LITAF: variants seen among roughly 807,000 people sequenced by gnomAD.
The protein encoded by LITAF is lipopolysaccharide induced TNF factor, also known as lipopolysaccharide-induced tumor necrosis factor-alpha factor.
In LITAF, 9 loss-of-function variants were observed where a neutral mutation model predicts 14.5. That is an observed-to-expected ratio of 0.62 (90% CI 0.37 to 1.08). The LOEUF is 1.08. Ranked by LOEUF, LITAF falls within the 50% of genes least tolerant of loss-of-function variation. The pLI, the probability that LITAF is intolerant of heterozygous loss-of-function variation, is 0.01. For synonymous variants in LITAF, 98 were observed against 88.2 expected (o/e 1.11, Z -0.62); for missense variants, 206 against 213.4 (o/e 0.97, Z 0.22).
At chr16:11,578,503 C>A (rs1386127290) in intron 1 of LITAF, among the ~76,000 whole-genome samples, 1 of 152,160 alleles carries the variant, frequency 6.6e-6, no homozygotes, top group African/African-American at 2.4e-5. Context: ...TGCACTGTAG[C>A]CTGGGCAACA....
chr16:11,578,789 G>GA (rs1230813540), intron 1 of LITAF, among the ~76,000 whole-genome samples: 1 of 152,172 alleles, frequency 6.6e-6, no homozygotes, highest in East Asian at 1.9e-4. Flanking sequence ...TGATTTGAGG[G>GA]AAATTCTACA....
chr16:11,569,259 G>A (rs945097392), intron 1 of LITAF, among the ~76,000 whole-genome samples: 1 of 152,066 alleles, frequency 6.6e-6, no homozygotes, highest in African/African-American at 2.4e-5. Flanking sequence ...TTCTGTTTTT[G>A]AGAAGGAATC....
intron 3 of LITAF, among the ~76,000 whole-genome samples, chr16:11,627,882 T>A (rs1372497341): frequency 2.0e-5 from 3 of 151,866 alleles, no homozygotes; most frequent in African/African-American, 7.3e-5. Flanking sequence ...CCGGGCGTGG[T>A]ACCACACATC....
chr16:11,601,311 G>C (rs898644917), upstream of LITAF, among the ~76,000 whole-genome samples: 2 of 151,094 alleles, frequency 1.3e-5, no homozygotes, highest in African/African-American at 4.9e-5. Flanking sequence ...CATTCCACTG[G>C]CCTCCCTCCT....
upstream of LITAF, among the ~76,000 whole-genome samples, chr16:11,637,048 G>C (rs925980430): frequency 1.3e-5 from 2 of 152,038 alleles, no homozygotes; most frequent in African/African-American, 4.8e-5. Context: ...GTAAAAGTGA[G>C]CCCAGCTAAT....
chr16:11,579,819 G>C (rs1420398489), intron 1 of LITAF, among the ~76,000 whole-genome samples: 1 of 152,216 alleles, frequency 6.6e-6, no homozygotes, highest in African/African-American at 2.4e-5. Flanking sequence ...ACTTATAAAT[G>C]AGTCAGATAG....
chr16:11,568,685 T>TTG (rs1555468733), intron 1 of LITAF, among the ~76,000 whole-genome samples: 3 of 144,550 alleles, frequency 2.1e-5, no homozygotes, highest in South Asian at 4.3e-4. Flanking sequence ...TTTTTTTTGT[T>TTG]TTTTTTTTTT....
At chr16:11,602,151 C>T (rs1310675405), upstream of LITAF, among the ~76,000 whole-genome samples, 2 of 152,114 alleles carry the variant, frequency 1.3e-5, no homozygotes, top group Non-Finnish European at 2.9e-5. Flanking sequence ...TGCCTGAGCT[C>T]AGGAGTTCGA....
chr16:11,581,011 T>C (rs1341866673), intron 1 of LITAF, among the ~76,000 whole-genome samples: 1 of 152,046 alleles, frequency 6.6e-6, no homozygotes, highest in Non-Finnish European at 1.5e-5. Context: ...GCGATCCTCC[T>C]GCCTTGTCCT....
At chr16:11,606,152 C>A (rs564096562) in intron 3 of LITAF, among the ~76,000 whole-genome samples, 197 of 152,182 alleles carry the variant, frequency 1.3e-3, no homozygotes, top group African/African-American at 4.5e-3. Context: ...CCCTCTGCCC[C>A]TGGATTTTTT....
rs1225653313 is a variant in LITAF, at chr16:11,634,373, G to A, written c.-20-736C>T. ...TGATTCCCTTCCCCAAAACTCAACC[G>A]CCTTTGTGAAGGTAACAAAAGGCCA... is the stretch of plus-strand genomic sequence containing the variant. On this transcript the variant is annotated intron_variant, in intron 2 of 3. Coordinates refer to the LITAF transcript ENST00000574848. This position sits in a 1 kb window ranked among gnomAD's most constrained non-coding sequence, Gnocchi z 4.1. Among the ~76,000 whole-genome samples, 1 of 152,128 alleles carries A rather than the reference G, an allele frequency of 6.6e-6. No individual in the cohort carries two copies. The highest frequency in any genetic ancestry group is 1.5e-5 in the Non-Finnish European group (1 of 68,018).
At chr16:11,619,592 A>T (rs1295736978) in intron 3 of LITAF, among the ~76,000 whole-genome samples, 2 of 151,514 alleles carry the variant, frequency 1.3e-5, no homozygotes, top group African/African-American at 4.8e-5. Context: ...TTTTGGAGAC[A>T]GTCTCAGTCT....
At chr16:11,591,489 C>T (rs996616206), upstream of LITAF, among the ~76,000 whole-genome samples, 3 of 151,846 alleles carry the variant, frequency 2.0e-5, no homozygotes, top group Non-Finnish European at 2.9e-5. Context: ...CTGGCCCACA[C>T]GTTCTGATTT....
intron 3 of LITAF, among the ~76,000 whole-genome samples, chr16:11,627,892 C>G (rs1221916833): frequency 6.6e-6 from 1 of 151,492 alleles, no homozygotes; most frequent in Non-Finnish European, 1.5e-5. Flanking sequence ...TACCACACAT[C>G]TGTAGTCCCA....
chr16:11,621,375 TTA>T (rs1335828774), intron 3 of LITAF, among the ~76,000 whole-genome samples: 3 of 152,128 alleles, frequency 2.0e-5, no homozygotes, highest in Admixed American at 6.5e-5. Context: ...CAGCCAATTT[TTA>T]TATGTTTTGC....
At chr16:11,563,062 G>C (rs905889493) in intron 1 of LITAF, among the ~76,000 whole-genome samples, 7 of 151,926 alleles carry the variant, frequency 4.6e-5, no homozygotes, top group African/African-American at 1.7e-4. Context: ...CTGGGAGCTT[G>C]AGGTTACAGT....
chr16:11,608,261 A>AAGGATAAAGGAT (rs2064964738), intron 3 of LITAF, among the ~76,000 whole-genome samples: 1 of 152,230 alleles, frequency 6.6e-6, no homozygotes, highest in Non-Finnish European at 1.5e-5. Flanking sequence ...AGAGTGCAGA[A>AAGGATAAAGGAT]AGACTGCCTG....
At chr16:11,594,350 G>C (rs33997367) in intron 1 of LITAF, among the ~76,000 whole-genome samples, 4,913 of 152,008 alleles carry the variant, frequency 0.032, 119 homozygotes, top group Non-Finnish European at 0.048. Flanking sequence ...GGCATAGCAA[G>C]AGGAGGCCAG....
At chr16:11,580,008 C>A (rs1216063401) in intron 1 of LITAF, among the ~76,000 whole-genome samples, 1 of 152,154 alleles carries the variant, frequency 6.6e-6, no homozygotes, top group African/African-American at 2.4e-5. Flanking sequence ...GGTTGATTAT[C>A]CCAAATGTGA....
Sources: allele counts gnomAD v4.1 joint callset (sites outside exome capture counted in the v4.1 genomes callset), GRCh38; gene constraint gnomAD v4.1.1; non-coding constraint Gnocchi (gnomAD v3.1); transcripts MANE v1.5; gene names NCBI Gene and HGNC (gene_info 2026-07-23, HGNC 2026-07-21).